The following FRYL variants were observed in gnomAD, a reference collection of about 807,000 sequenced individuals.
FRYL encodes FRY like transcription coactivator.
In FRYL, 150 loss-of-function variants were observed where a neutral mutation model predicts 351.2. The observed-to-expected ratio is 0.43, with a 90% confidence interval of 0.37 to 0.49. The LOEUF is 0.49. Among genes scored for constraint, FRYL ranks in the 20% least tolerant of loss-of-function variants. The probability of loss-of-function intolerance (pLI) is 0.00; values close to 1 mark genes in which losing one functional copy is unlikely to be tolerated. For missense variants in FRYL, 3,036 were observed against 3,619.3 expected, an observed-to-expected ratio of 0.84 and a Z score of 4.13; for synonymous variants, 1,153 against 1,257.1, an observed-to-expected ratio of 0.92 and a Z score of 1.75.
At chr4:48,601,843 C>T (rs1245225014) in intron 13 of FRYL, among the ~76,000 whole-genome samples, 177 bp downstream of exon 13, 1 of 152,094 alleles carries the variant, frequency 6.6e-6, no homozygotes, top group African/African-American at 2.4e-5. Context: ...TTACTCATAT[C>T]TATACATGAT....
chr4:48,773,532 T>C (rs1775726542), intron 1 of FRYL, among the ~76,000 whole-genome samples: 1 of 152,102 alleles, frequency 6.6e-6, no homozygotes, highest in African/African-American at 2.4e-5. Context: ...ATTATGTTAG[T>C]ATAAGGAAGT....
In FRYL at chr4:48,605,695, TTCTTG is replaced by T. The variant is rs755098929; in HGVS notation, c.834+41_834+45del. The T allele has an allele frequency of 2.4e-5, 29 of 1,199,816 alleles. No homozygotes were observed. In the Admixed American group the frequency reaches 5.2e-4, roughly 22 times the overall value. 74.3% of individuals were successfully genotyped at this position (1,199,816 alleles called of 1,614,324 possible). A position where few individuals can be genotyped will look rare whatever the true frequency, so the allele number is the denominator to read the frequency against. ...AAATAAAAGTATAAGGTTGATAAGG[TTCTTG>T]TATAACACACAAATGGTATGAAAAT... On this transcript the variant is annotated intron_variant, in intron 11 of 63. Coordinates refer to ENST00000358350, the MANE Select transcript of FRYL (RefSeq NM_015030.2).
intron 3 of FRYL, among the ~76,000 whole-genome samples, chr4:48,647,396 G>A (rs772001698): frequency 1.6e-4 from 24 of 152,128 alleles, no homozygotes; most frequent in Non-Finnish European, 7.4e-5. Context: ...GCCTGTTTGC[G>A]TATTCTCAGT....
At chr4:48,505,123 A>ATAAT (rs1227343859) in intron 60 of FRYL, among the ~76,000 whole-genome samples, 1 of 152,186 alleles carries the variant, frequency 6.6e-6, no homozygotes, top group Non-Finnish European at 1.5e-5. Flanking sequence ...GAAAAACATT[A>ATAAT]TAATTTATCC....
chr4:48,592,107 TATATATA>T (rs1432490716), intron 16 of FRYL, among the ~76,000 whole-genome samples: 3 of 99,800 alleles, frequency 3.0e-5, no homozygotes, highest in South Asian at 3.1e-4. Context: ...TATATATATA[TATATATA>T]TTTTATCTAA....
chr4:48,772,944 G>A (rs1775664677), intron 1 of FRYL, among the ~76,000 whole-genome samples: 1 of 152,170 alleles, frequency 6.6e-6, no homozygotes, highest in Non-Finnish European at 1.5e-5. Context: ...TCCAACAGTG[G>A]GATGTCGTTG....
chr4:48,777,075 G>C (rs1223636429), intron 1 of FRYL, among the ~76,000 whole-genome samples: 2 of 152,062 alleles, frequency 1.3e-5, no homozygotes, highest in Non-Finnish European at 2.9e-5. Flanking sequence ...GAGCAAGACT[G>C]TCATCCAGTT....
intron 1 of FRYL, among the ~76,000 whole-genome samples, chr4:48,711,883 G>C (rs937404268): frequency 6.6e-6 from 1 of 152,140 alleles, no homozygotes; most frequent in Non-Finnish European, 1.5e-5. Flanking sequence ...CCAGAGGAAC[G>C]ATCAGACAGC....
intron 3 of FRYL, among the ~76,000 whole-genome samples, chr4:48,661,973 GA>G (rs1257916142): frequency 6.6e-6 from 1 of 152,080 alleles, no homozygotes; most frequent in South Asian, 2.1e-4. Context: ...TGCTGCCAAA[GA>G]AAAAATCAGT....
intron 3 of FRYL, among the ~76,000 whole-genome samples, chr4:48,667,570 A>G (rs1288490538): frequency 6.6e-6 from 1 of 152,156 alleles, no homozygotes; most frequent in Non-Finnish European, 1.5e-5. Context: ...TTTACTGAAC[A>G]CCTGCTACAG....
intron 1 of FRYL, among the ~76,000 whole-genome samples, chr4:48,765,077 T>C (rs114555673): frequency 0.026 from 3,982 of 152,094 alleles, 67 homozygotes; most frequent in Admixed American, 0.046. Flanking sequence ...ACTCCTGACC[T>C]AGTGATCCCC....
chr4:48,758,499 A>T (rs183939666), intron 1 of FRYL, among the ~76,000 whole-genome samples: 1 of 152,374 alleles, frequency 6.6e-6, no homozygotes, highest in Non-Finnish European at 1.5e-5. Context: ...ATTACTGGCC[A>T]TCAGAGAAAT....
chr4:48,672,253 G>C (rs2149509598), intron 3 of FRYL, among the ~76,000 whole-genome samples: 1 of 152,284 alleles, frequency 6.6e-6, no homozygotes, highest in African/African-American at 2.4e-5. Context: ...CACTGGTACA[G>C]CTCAGCTTAG....
At position 48,750,336 on chromosome 4, in the gene FRYL, C is replaced by A. The variant is rs62310877; in HGVS notation, c.-384+29742G>T. On this transcript the variant is annotated intron_variant, in intron 1 of 63. Transcript: ENST00000358350. ...ATCTGCCAGGCGTGGTGGCATGTAC[C>A]TATAGTCCCACCTACTTGGGAGGCT... is the stretch of plus-strand genomic sequence containing the variant. Among the ~76,000 whole-genome samples the A allele has an allele frequency of 8.4e-3, 1,281 of 151,792 alleles. 22 individuals are homozygous for A. Among genetic ancestry groups the A allele is most frequent in the Admixed American group, 0.036 (545 of 15,242 alleles).
chr4:48,526,793 T>TAA (rs1726331631), intron 53 of FRYL, among the ~76,000 whole-genome samples: 1 of 152,160 alleles, frequency 6.6e-6, no homozygotes, highest in Admixed American at 6.6e-5. Context: ...TCAACTGACA[T>TAA]AACTACCAAT....
intron 3 of FRYL, among the ~76,000 whole-genome samples, chr4:48,646,595 C>A (rs1172110345): frequency 6.6e-6 from 1 of 152,172 alleles, no homozygotes; most frequent in East Asian, 1.9e-4. Context: ...TGTGACAATG[C>A]AACTGCAAAC....
intron 3 of FRYL, among the ~76,000 whole-genome samples, chr4:48,658,784 A>T (rs1318582343): frequency 2.0e-5 from 3 of 151,350 alleles, no homozygotes; most frequent in Non-Finnish European, 4.4e-5. Context: ...AAGAAAATCA[A>T]GGTTTTAGGT....
At chr4:48,767,950 A>AAT (rs1440006035) in intron 1 of FRYL, among the ~76,000 whole-genome samples, 2 of 152,210 alleles carry the variant, frequency 1.3e-5, no homozygotes, top group African/African-American at 4.8e-5. Flanking sequence ...CCTTGTGGGT[A>AAT]ACCTCTGATT....
intron 3 of FRYL, among the ~76,000 whole-genome samples, chr4:48,662,509 T>C (rs1760956654): frequency 6.6e-6 from 1 of 151,890 alleles, no homozygotes; most frequent in Admixed American, 6.6e-5. Context: ...ATTTCTAAAA[T>C]TGACTGGCTA....
Sources: allele counts gnomAD v4.1 joint callset (sites outside exome capture counted in the v4.1 genomes callset), GRCh38; gene constraint gnomAD v4.1.1; transcripts MANE v1.5; gene names NCBI Gene and HGNC (gene_info 2026-07-23, HGNC 2026-07-21).